SLCO1A2: variants seen among roughly 807,000 people sequenced by gnomAD.
SLCO1A2 encodes the protein OATP-1.
SLCO1A2 carries 67 observed loss-of-function variants against 69.0 expected under a neutral mutation model. That is an observed-to-expected ratio of 0.97 (90% confidence interval 0.80 to 1.19). SLCO1A2 has a LOEUF of 1.19. Ranked by LOEUF, SLCO1A2 falls within the 50% of genes most tolerant of loss-of-function variation. SLCO1A2 has a pLI of 0.00. For synonymous variants in SLCO1A2, 260 were observed against 265.9 expected (o/e 0.98, Z 0.22); for missense variants, 787 against 793.7 (o/e 0.99, Z 0.10).
At chr12:21,416,187 C>T (rs1193198073) in intron 1 of SLCO1A2, among the ~76,000 whole-genome samples, 1 of 151,990 alleles carries the variant, frequency 6.6e-6, no homozygotes, top group Admixed American at 6.6e-5. Flanking sequence ...ATTCAAATGG[C>T]TGTGCTCTCA....
chr12:21,391,697 G>C (rs979363744), intron 1 of SLCO1A2, among the ~76,000 whole-genome samples: 1 of 150,546 alleles, frequency 6.6e-6, no homozygotes, highest in African/African-American at 2.4e-5. Context: ...CACTGACACT[G>C]TAATCTCAAA....
In SLCO1A2 at chr12:21,268,981, G is replaced by A. The variant is rs1202242310; in HGVS notation, c.*567C>T. 3 of 151,980 alleles carry A rather than the reference G, an allele frequency of 2.0e-5. No individual in the cohort carries two copies. The highest frequency in any genetic ancestry group is 1.3e-4 in the Admixed American group (2 of 15,200). 9.4% of individuals were successfully genotyped at this position (151,980 alleles called of 1,614,324 possible). ...TGAGTAATAAAGAAAAGAAAAAATT[G>A]AAAGTAGGAGGGTATATTTATGAGT... On this transcript the variant is annotated 3_prime_UTR_variant, in exon 15 of 15. Transcript: ENST00000683939.
chr12:21,378,699 G>A, intron 1 of SLCO1A2: 1 of 339,978 alleles, frequency 2.9e-6, no homozygotes, highest in Non-Finnish European at 5.4e-6. Context: ...CAGTGGCACA[G>A]GTTTAAGAAC....
intron 4 of SLCO1A2, among the ~76,000 whole-genome samples, chr12:21,308,634 C>A (rs1949724574): frequency 6.6e-6 from 1 of 152,136 alleles, no homozygotes. Context: ...ATCTACATAT[C>A]TACATATTAA....
rs770537689 is a variant in SLCO1A2 at position 21,274,508 on chromosome 12, TCAC to T, written c.1751_1753del (p.Gly584del). The stretch of plus-strand genomic sequence containing the variant: ...ATCATATATCCTGCATGCCCCTGAC[TCAC>T]CACATTTCAAAGTTCCCCAGTGTAA... On this transcript the variant is annotated inframe_deletion, in exon 14 of 15. Coordinates refer to ENST00000683939, the MANE Select transcript of SLCO1A2 (RefSeq NM_001386879.1). 1.9e-6 allele frequency: 3 copies of T among 1,613,456 alleles called. No homozygotes were observed. Among genetic ancestry groups the T allele is most frequent in the Non-Finnish European group, 2.5e-6 (3 of 1,179,590 alleles).
upstream of SLCO1A2, among the ~76,000 whole-genome samples, chr12:21,397,619 G>T (rs920544899): frequency 3.6e-4 from 54 of 151,734 alleles, no homozygotes; most frequent in Admixed American, 2.0e-3. Flanking sequence ...CCACATACTG[G>T]GAAGTAAAGC....
At chr12:21,409,542 C>A (rs1450031347) in intron 1 of SLCO1A2, among the ~76,000 whole-genome samples, 1 of 152,048 alleles carries the variant, frequency 6.6e-6, no homozygotes, top group Non-Finnish European at 1.5e-5. Context: ...TATATTTAGA[C>A]CTTTATGGAA....
chr12:21,332,148 T>C (rs1952656311), intron 2 of SLCO1A2, among the ~76,000 whole-genome samples: 1 of 152,130 alleles, frequency 6.6e-6, no homozygotes, highest in African/African-American at 2.4e-5. Context: ...TAAAAACATG[T>C]GTTCAAGGTG....
At chr12:21,388,656 T>C (rs774314013) in intron 1 of SLCO1A2, among the ~76,000 whole-genome samples, 1 of 152,136 alleles carries the variant, frequency 6.6e-6, no homozygotes, top group Non-Finnish European at 1.5e-5. Flanking sequence ...CTAATACATC[T>C]AGCAATACAA....
At position 21,299,854 on chromosome 12, in the gene SLCO1A2, G is replaced by GTATA. The variant is rs367663983; in HGVS notation, c.910+490_910+493dup. ...CACATATATGTGTATATATATACGTGTATATATATATACGTGTGTGTATAT... is the reference window on the plus strand; with the variant it reads ...CACATATATGTGTATATATATACGTGTATATATATATATATACGTGTGTGTATAT... On this transcript the variant is annotated intron_variant, in intron 8 of 14. Coordinates refer to ENST00000683939, the MANE Select transcript of SLCO1A2 (RefSeq NM_001386879.1). Among the ~76,000 whole-genome samples the GTATA allele has an allele frequency of 3.2e-3, 405 of 127,514 alleles. 13 individuals are homozygous for GTATA. Among genetic ancestry groups the GTATA allele is most frequent in the African/African-American group, 0.012 (396 of 32,294 alleles). 83.7% of individuals were successfully genotyped at this position (127,514 alleles called of 152,430 possible). A position where few individuals can be genotyped will look rare whatever the true frequency, so the allele number is the denominator to read the frequency against.
intron 1 of SLCO1A2, among the ~76,000 whole-genome samples, chr12:21,392,803 CA>C: frequency 6.6e-6 from 1 of 152,288 alleles, no homozygotes; most frequent in East Asian, 1.9e-4. Context: ...GGTACATGAA[CA>C]TGAATAGTTT....
At chr12:21,277,233 G>T (rs770553716) in intron 12 of SLCO1A2, among the ~76,000 whole-genome samples, 14 of 147,438 alleles carry the variant, frequency 9.5e-5, no homozygotes, top group Non-Finnish European at 2.0e-4. Flanking sequence ...CACTGGTAAG[G>T]GTCATGAGGT....
chr12:21,315,931 T>C (rs1950809894), intron 3 of SLCO1A2, among the ~76,000 whole-genome samples: 1 of 152,148 alleles, frequency 6.6e-6, no homozygotes, highest in African/African-American at 2.4e-5. Flanking sequence ...AGGTAAGTAA[T>C]TTTTTTCAAA....
chr12:21,417,717 A>T (rs1942010010), intron 1 of SLCO1A2, among the ~76,000 whole-genome samples: 1 of 152,174 alleles, frequency 6.6e-6, no homozygotes, highest in South Asian at 2.1e-4. Flanking sequence ...TATGTAGAAG[A>T]TGGGATTTGG....
chr12:21,269,582 A>G lies in SLCO1A2; in HGVS notation c.1979T>C (p.Val660Ala). The part of the protein sequence containing the change: ...ECKDIYQKST[V>A]LKDDELKTKL ...AGTTTTCAATTCATCATCTTTCAAA[A>G]CCGTGGACTTTTGGTATATATCTTT... Residue 660 changes from valine to alanine, a missense_variant, in exon 15 of 15, where the codon GTT (valine) becomes GCT (alanine). By Grantham distance (64) the Val-to-Ala change is moderately conservative (BLOSUM62 0). Coordinates refer to ENST00000683939, the MANE Select transcript of SLCO1A2 (RefSeq NM_001386879.1). 1 of 1,611,888 alleles carries G rather than the reference A, an allele frequency of 6.2e-7. No homozygotes were observed. The highest frequency in any genetic ancestry group is 1.7e-5 in the Admixed American group (1 of 59,846).
intron 3 of SLCO1A2, among the ~76,000 whole-genome samples, chr12:21,318,280 G>C (rs1009008989): frequency 6.6e-6 from 1 of 151,798 alleles, no homozygotes; most frequent in Non-Finnish European, 1.5e-5. Flanking sequence ...CACCATACCC[G>C]GCCAATTTGT....
At chr12:21,293,831 A>C (rs1412081625) in intron 11 of SLCO1A2, 114 bp downstream of exon 11, 8 of 807,532 alleles carry the variant, frequency 9.9e-6, no homozygotes, top group Non-Finnish European at 1.4e-5. Context: ...CATACAAAAA[A>C]AGTAATATGG....
chr12:21,341,047 C>T (rs1953053132), intron 2 of SLCO1A2, among the ~76,000 whole-genome samples: 1 of 151,972 alleles, frequency 6.6e-6, no homozygotes, highest in South Asian at 2.1e-4. Flanking sequence ...AATCTTATGA[C>T]ATAAGTATTA....
intron 14 of SLCO1A2, among the ~76,000 whole-genome samples, chr12:21,270,489 A>G (rs57899519): frequency 6.6e-6 from 1 of 151,428 alleles, no homozygotes; most frequent in Non-Finnish European, 1.5e-5. Flanking sequence ...TTATTAAGAT[A>G]GTACTAGCTT....
Sources: gnomAD v4.1 joint callset for allele counts (sites outside exome capture counted in the v4.1 genomes callset) on GRCh38, gnomAD v4.1.1 for gene constraint, MANE v1.5 for transcripts, NCBI Gene and HGNC (gene_info 2026-07-23, HGNC 2026-07-21) for gene names.